PRKN: variants seen among roughly 807,000 people sequenced by gnomAD.
PRKN encodes the protein E3 ubiquitin-protein ligase parkin.
A neutral mutation model predicts 59.5 loss-of-function variants in PRKN; 56 were observed. The ratio of observed to expected loss-of-function variants is 0.94; its 90% confidence interval spans 0.76 to 1.18. The LOEUF (loss-of-function observed/expected upper bound fraction) is 1.18. PRKN is among the 50% of genes most tolerant of loss of function. The pLI, the probability that PRKN is intolerant of heterozygous loss-of-function variation, is 0.00. For synonymous variants in PRKN, 250 were observed against 222.1 expected, an observed-to-expected ratio of 1.13 and a Z score of -1.12; for missense variants, 657 against 596.4, an observed-to-expected ratio of 1.10 and a Z score of -1.06.
chr6:162,622,593 T>C (rs907037381), intron 1 of PRKN, among the ~76,000 whole-genome samples: 12 of 152,234 alleles, frequency 7.9e-5, no homozygotes, highest in African/African-American at 2.9e-4. Flanking sequence ...TTCATTCTTC[T>C]AAATACAGTT....
intron 2 of PRKN, chr6:162,264,800 C>T (rs1226972380): frequency 6.6e-6 from 1 of 152,190 alleles, no homozygotes; most frequent in African/African-American, 2.4e-5. Flanking sequence ...TCCCCTCCCA[C>T]CTAAAAATCT....
chr6:162,532,468 T>A (rs561127184), intron 1 of PRKN, among the ~76,000 whole-genome samples: 1 of 152,284 alleles, frequency 6.6e-6, no homozygotes, highest in South Asian at 2.1e-4. Context: ...GGGTAGTATC[T>A]TTTTTGTGCT....
intron 7 of PRKN, among the ~76,000 whole-genome samples, chr6:161,752,580 A>T (rs909287566): frequency 6.6e-6 from 1 of 150,774 alleles, no homozygotes; most frequent in Non-Finnish European, 1.5e-5. Context: ...GTAGTCCCAG[A>T]TACTCAGGAG....
chr6:162,125,168 G>A (rs1200625182), intron 4 of PRKN, among the ~76,000 whole-genome samples: 1 of 152,258 alleles, frequency 6.6e-6, no homozygotes, highest in Non-Finnish European at 1.5e-5. Flanking sequence ...ACATAGAAAC[G>A]GGAAAAACGC....
intron 2 of PRKN, among the ~76,000 whole-genome samples, chr6:162,305,188 A>G (rs1340825374): frequency 6.6e-6 from 1 of 152,140 alleles, no homozygotes; most frequent in Non-Finnish European, 1.5e-5. Flanking sequence ...TATAGAAAAT[A>G]AAAGGGAAAA....
intron 6 of PRKN, among the ~76,000 whole-genome samples, chr6:161,800,247 G>A (rs921016695): frequency 1.3e-5 from 2 of 152,096 alleles, no homozygotes; most frequent in African/African-American, 4.8e-5. Context: ...ACGACAGGTA[G>A]ACAATATGTT....
chr6:161,408,628 G>A (rs778204297), intron 9 of PRKN, among the ~76,000 whole-genome samples: 4 of 151,968 alleles, frequency 2.6e-5, no homozygotes, highest in Non-Finnish European at 5.9e-5. Flanking sequence ...CGGCGAGGCT[G>A]ATACCGGGAG....
At chr6:162,650,588 A>C in intron 1 of PRKN, among the ~76,000 whole-genome samples, 1 of 112,290 alleles carries the variant, frequency 8.9e-6, no homozygotes, top group African/African-American at 3.2e-5. Flanking sequence ...ACAGAGCGAG[A>C]CTCCGTCTCA....
At chr6:162,598,935 T>C (rs1781593330) in intron 1 of PRKN, among the ~76,000 whole-genome samples, 1 of 151,494 alleles carries the variant, frequency 6.6e-6, no homozygotes, top group South Asian at 2.1e-4. Flanking sequence ...GGACTAATCA[T>C]GTGCCCTTCC....
chr6:162,512,259 G>T (rs1777658876), intron 1 of PRKN, among the ~76,000 whole-genome samples: 1 of 152,146 alleles, frequency 6.6e-6, no homozygotes, highest in Non-Finnish European at 1.5e-5. Flanking sequence ...CTGCTAATAT[G>T]GTCATGGGAG....
At chr6:162,025,042 G>A (rs2128277260) in intron 5 of PRKN, among the ~76,000 whole-genome samples, 1 of 140,420 alleles carries the variant, frequency 7.1e-6, no homozygotes, top group East Asian at 2.1e-4. Context: ...TTGAGACGGA[G>A]TCTCGCTCTG....
intron 9 of PRKN, among the ~76,000 whole-genome samples, chr6:161,427,800 T>C (rs936657841): frequency 1.3e-5 from 2 of 152,160 alleles, no homozygotes; most frequent in African/African-American, 2.4e-5. Flanking sequence ...ATCAGGCTTT[T>C]GATGAATCCC....
intron 6 of PRKN, among the ~76,000 whole-genome samples, chr6:161,932,777 A>C (rs1045874866): frequency 6.6e-6 from 1 of 152,206 alleles, no homozygotes; most frequent in African/African-American, 2.4e-5. Flanking sequence ...GATGGTTACA[A>C]CTATACTAGC....
intron 1 of PRKN, among the ~76,000 whole-genome samples, chr6:162,624,739 T>C (rs1361660227): frequency 6.6e-6 from 1 of 152,188 alleles, no homozygotes; most frequent in African/African-American, 2.4e-5. Context: ...GGGTCTCCTC[T>C]TGAACTCCTG....
intron 1 of PRKN, among the ~76,000 whole-genome samples, chr6:162,556,551 A>T (rs961324356): frequency 6.6e-6 from 1 of 151,828 alleles, no homozygotes; most frequent in Non-Finnish European, 1.5e-5. Flanking sequence ...GATCGAGATC[A>T]TCCTAACCAA....
At chr6:162,485,363 C>T (rs1377345938) in intron 1 of PRKN, among the ~76,000 whole-genome samples, 2 of 152,050 alleles carry the variant, frequency 1.3e-5, no homozygotes, top group African/African-American at 4.8e-5. Flanking sequence ...TGACTTTGTG[C>T]AATTATTTTA....
intron 7 of PRKN, among the ~76,000 whole-genome samples, chr6:161,661,179 G>A (rs1026507129): frequency 6.6e-6 from 1 of 152,164 alleles, no homozygotes; most frequent in African/African-American, 2.4e-5. Context: ...CTGACTTTCT[G>A]CTTAGAACTC....
chr6:161,422,204 T>G (rs1718435452), intron 9 of PRKN, among the ~76,000 whole-genome samples: 1 of 150,020 alleles, frequency 6.7e-6, no homozygotes, highest in Non-Finnish European at 1.5e-5. Flanking sequence ...AATCTTTTTT[T>G]TTTTTTTTTT....
chr6:161,717,280 G>A (rs1289216338), intron 7 of PRKN, among the ~76,000 whole-genome samples: 1 of 152,210 alleles, frequency 6.6e-6, no homozygotes. Context: ...GGACGGGCAA[G>A]AGGACTGAGA....
Sources: allele counts gnomAD v4.1 joint callset (sites outside exome capture counted in the v4.1 genomes callset), GRCh38; gene constraint gnomAD v4.1.1; transcripts MANE v1.5; gene names NCBI Gene and HGNC (gene_info 2026-07-23, HGNC 2026-07-21).